Variants in FBXW4 observed in about 807,000 individuals in gnomAD.
The protein encoded by FBXW4 is F-box and WD repeat domain containing 4, also known as F-box/WD repeat-containing protein 4.
Under a neutral mutation model 61.8 loss-of-function variants are expected in FBXW4, and 40 were observed. The observed-to-expected ratio is 0.65, with a 90% CI of 0.50 to 0.84. The LOEUF is 0.84. Among genes scored for constraint, FBXW4 ranks in the 40% least tolerant of loss-of-function variants. FBXW4 has a pLI of 0.00. For synonymous variants in FBXW4, 311 were observed against 313.8 expected (o/e 0.99, Z 0.10); for missense variants, 672 against 753.8 (o/e 0.89, Z 1.27).
intron 2 of FBXW4, among the ~76,000 whole-genome samples, chr10:101,673,893 G>A (rs1446443749): frequency 6.6e-6 from 1 of 152,170 alleles, no homozygotes; most frequent in African/African-American, 2.4e-5. Flanking sequence ...CCTGGACTTT[G>A]TAAAAGAGAC....
At chr10:101,633,948 A>AT (rs1554927433) in intron 5 of FBXW4, among the ~76,000 whole-genome samples, 3 of 151,502 alleles carry the variant, frequency 2.0e-5, no homozygotes, top group Non-Finnish European at 4.4e-5. Flanking sequence ...TCTACTAAAA[A>AT]ATATATATAT....
chr10:101,690,600 G>C (rs1036734871), intron 1 of FBXW4, among the ~76,000 whole-genome samples: 2 of 152,202 alleles, frequency 1.3e-5, no homozygotes, highest in African/African-American at 4.8e-5. Flanking sequence ...AAGACCATTA[G>C]CAAATCACAA....
intron 6 of FBXW4, among the ~76,000 whole-genome samples, chr10:101,619,239 G>A (rs969384790): frequency 6.6e-6 from 1 of 152,200 alleles, no homozygotes; most frequent in Non-Finnish European, 1.5e-5. Context: ...TGGGCTTGAA[G>A]ACCACCTACC....
In FBXW4 at chr10:101,694,743, C is replaced by G; in HGVS notation, c.363G>C (p.Glu121Asp). ...GCCGCCTAGCCCTGACCCTCCATTC[C>G]TCCTTCTTCCCATACTCTCTTCCTT... Reference protein sequence around the residue: ...EAQGREYGKKEEWRVRARRRE... With the variant: ...EAQGREYGKKDEWRVRARRRE... The change falls in exon 1 of 9, where the codon GAG becomes GAC. Residue 121 changes from glutamate to aspartate, a missense_variant. By Grantham distance (45) the Glu-to-Asp change is conservative. Coordinates refer to ENST00000331272, the MANE Select transcript of FBXW4 (RefSeq NM_022039.4). The surrounding 1 kb of genome is among the most constrained non-coding windows in gnomAD (Gnocchi z 6.0). 7.3e-7 allele frequency: 1 copy of G among 1,365,522 alleles called. No individual in the cohort carries two copies. Among genetic ancestry groups the G allele is most frequent in the Non-Finnish European group, 9.4e-7 (1 of 1,067,382 alleles). 84.6% of individuals were successfully genotyped at this position (1,365,522 alleles called of 1,614,324 possible). A position where few individuals can be genotyped will look rare whatever the true frequency, so the allele number is the denominator to read the frequency against.
chr10:101,612,452 T>C lies in FBXW4; in HGVS notation c.1327A>G (p.Ser443Gly). The part of the protein sequence containing the change: ...NSGQLMTHLG[S>G]DFPPGAGVLD... ...ACCCCAGCCCCTGGGGGAAAGTCAC[T>C]GCCCAAGTGTGTCATCAGCTGCCCA... The change falls in exon 7 of 9, where the codon AGT (serine) becomes GGT (glycine). Residue 443 changes from serine (S) to glycine (G), a missense_variant. Ser to Gly is a moderately conservative substitution (Grantham distance 56). Transcript: ENST00000331272. 6.3e-7 allele frequency: 1 copy of C among 1,587,398 alleles called. No individual in the cohort carries two copies. The highest frequency in any genetic ancestry group is 8.6e-7 in the Non-Finnish European group (1 of 1,166,206).
chr10:101,648,139 T>C (rs1204736506), intron 5 of FBXW4, among the ~76,000 whole-genome samples: 1 of 152,154 alleles, frequency 6.6e-6, no homozygotes, highest in East Asian at 1.9e-4. Flanking sequence ...GCGATTTGGG[T>C]TTTTTTGTTT....
intron 4 of FBXW4, among the ~76,000 whole-genome samples, chr10:101,668,229 C>T (rs961539255): frequency 6.6e-6 from 1 of 152,226 alleles, no homozygotes; most frequent in Non-Finnish European, 1.5e-5. Context: ...TACCAGCCAA[C>T]TTTACACTGG....
chr10:101,614,166 C>T (rs1407036630), intron 6 of FBXW4, among the ~76,000 whole-genome samples: 2 of 152,246 alleles, frequency 1.3e-5, no homozygotes, highest in Non-Finnish European at 2.9e-5. Flanking sequence ...TCTCCTCCCT[C>T]TTCCAGATTT....
upstream of FBXW4, chr10:101,695,178 C>T: frequency 1.0e-6 from 1 of 985,552 alleles, no homozygotes; most frequent in Non-Finnish European, 1.2e-6. This position sits in a 1 kb window ranked among gnomAD's most constrained non-coding sequence, Gnocchi z 4.2. Flanking sequence ...GAGGAGGCGA[C>T]ACCATGTCGG....
intron 1 of FBXW4, among the ~76,000 whole-genome samples, chr10:101,678,664 G>A (rs1409231987): frequency 3.3e-5 from 5 of 152,040 alleles, no homozygotes; most frequent in African/African-American, 9.7e-5. Context: ...TCCTGACCTC[G>A]TGATCCACCC....
At chr10:101,656,987 C>T (rs1589763671) in intron 5 of FBXW4, among the ~76,000 whole-genome samples, 1 of 152,142 alleles carries the variant, frequency 6.6e-6, no homozygotes, top group African/African-American at 2.4e-5. Flanking sequence ...AAAGCTTCTA[C>T]AGAAAGCAAT....
rs766609007 is a variant in FBXW4 at position 101,672,937 on chromosome 10, C to G, written c.1118G>C (p.Gly373Ala). ...CACCTTGGCCGTCCTGTCCCTGGAG[C>G]CACTCACAATGATGCCCCCTTTGCA... ...VDCKGGIIVS[G>A]SRDRTAKVWP... The change falls in exon 4 of 9, where the codon GGC becomes GCC. Residue 373 changes from glycine (G) to alanine (A), a missense_variant. Transcript: ENST00000331272. 9.3e-6 allele frequency: 15 copies of G among 1,614,046 alleles called. No homozygotes were observed. The highest frequency in any genetic ancestry group is 1.3e-5 in the Non-Finnish European group (15 of 1,179,994).
intron 5 of FBXW4, among the ~76,000 whole-genome samples, chr10:101,639,361 G>A (rs778537514): frequency 2.6e-5 from 4 of 152,222 alleles, no homozygotes; most frequent in Non-Finnish European, 5.9e-5. Context: ...AATAATGTGA[G>A]GGGGAGGAGG....
intron 5 of FBXW4, among the ~76,000 whole-genome samples, chr10:101,665,552 T>C (rs756898860): frequency 3.3e-5 from 5 of 152,012 alleles, no homozygotes; most frequent in Non-Finnish European, 5.9e-5. Flanking sequence ...TAGCAGAGGG[T>C]CTGGCACAGA....
rs1160378343 is a variant in FBXW4 at position 101,641,256 on chromosome 10, GGGAAAAAA to G, written c.1236-16454_1236-16447del. Among the ~76,000 whole-genome samples the G allele has an allele frequency of 2.0e-5, 3 of 152,136 alleles. No individual in the cohort carries two copies. In the East Asian group the frequency reaches 5.8e-4, roughly 29 times the overall value. ...CAATTGGATAGGAGAATCTTTGAGGGGGAAAAAAGGAAAAAAAGCATGCATAAAATAAT... is the reference window on the plus strand; with the variant it reads ...CAATTGGATAGGAGAATCTTTGAGGGGGAAAAAAAGCATGCATAAAATAAT... On this transcript the variant is annotated intron_variant, in intron 5 of 8. Coordinates refer to ENST00000331272, the MANE Select transcript of FBXW4 (RefSeq NM_022039.4).
intron 6 of FBXW4, among the ~76,000 whole-genome samples, chr10:101,623,936 G>A (rs1469708446): frequency 6.6e-6 from 1 of 152,232 alleles, no homozygotes; most frequent in Non-Finnish European, 1.5e-5. Context: ...AATGGGAAGA[G>A]GAGGAGGGGA....
At chr10:101,613,272 A>G (rs1442848537) in intron 6 of FBXW4, 1 of 152,242 alleles carries the variant, frequency 6.6e-6, no homozygotes, top group African/African-American at 2.4e-5. Flanking sequence ...CCTAGCAACT[A>G]TGTAGGGGGG....
intron 1 of FBXW4, among the ~76,000 whole-genome samples, chr10:101,692,300 T>C (rs1372470813): frequency 6.6e-6 from 1 of 150,590 alleles, no homozygotes; most frequent in Non-Finnish European, 1.5e-5. Flanking sequence ...TGTATATACA[T>C]GTGTATATTA....
intron 5 of FBXW4, among the ~76,000 whole-genome samples, chr10:101,651,240 G>A (rs1564914622): frequency 6.6e-6 from 1 of 152,092 alleles, no homozygotes; most frequent in Non-Finnish European, 1.5e-5. Context: ...CAAACACCCT[G>A]GCTTCATTGT....
Sources: allele counts gnomAD v4.1 joint callset (sites outside exome capture counted in the v4.1 genomes callset), GRCh38; gene constraint gnomAD v4.1.1; non-coding constraint Gnocchi (gnomAD v3.1); transcripts MANE v1.5; gene names NCBI Gene and HGNC (gene_info 2026-07-23, HGNC 2026-07-21).